JAK3: variants seen among roughly 807,000 people sequenced by gnomAD.
JAK3 encodes the protein tyrosine-protein kinase JAK3.
A neutral mutation model predicts 120.8 loss-of-function variants in JAK3; 88 were observed. The ratio of observed to expected loss-of-function variants is 0.73; its 90% CI spans 0.61 to 0.87. JAK3 has a LOEUF of 0.87. Among genes scored for constraint, JAK3 ranks in the 40% least tolerant of loss-of-function variants. JAK3 has a pLI of 0.00. For synonymous variants in JAK3, 592 were observed against 628.6 expected (o/e 0.94, Z 0.87); for missense variants, 1,254 against 1,501.4 (o/e 0.84, Z 2.72).
chr19:17,839,778 T>C, intron 9 of JAK3, 115 bp from the exon 10 acceptor site: 1 of 964,420 alleles, frequency 1.0e-6, no homozygotes, highest in East Asian at 2.6e-5. Flanking sequence ...TCTGGCTCTG[T>C]CACCCAGGCT....
Position 17,843,125 on chromosome 19 carries a change from G to A in JAK3, c.468C>T (p.Leu156=). 1 of 1,609,590 alleles carries A rather than the reference G, an allele frequency of 6.2e-7. No homozygotes were observed. Among genetic ancestry groups the A allele is most frequent in the Non-Finnish European group, 8.5e-7 (1 of 1,179,890 alleles). ...GGCTGAGACACTCACCCTGCTCCTTGAGACTGAGGCCCACGGGGAGGCGCC... is the reference window on the plus strand; with the variant it reads ...GGCTGAGACACTCACCCTGCTCCTTAAGACTGAGGCCCACGGGGAGGCGCC... ...VSGRLPVGLS[L]KEQGECLSLA... Residue 156 remains leucine (L), a synonymous_variant, in exon 5 of 24, where the codon CTC becomes CTT. Coordinates refer to ENST00000458235, the MANE Select transcript of JAK3 (RefSeq NM_000215.4). This position sits in a 1 kb window ranked among gnomAD's most constrained non-coding sequence, Gnocchi z 5.4.
chr19:17,843,604 G>C lies in JAK3; in HGVS notation c.309-113C>G, dbSNP rs3212721. 3 of 1,171,144 alleles carry C rather than the reference G, an allele frequency of 2.6e-6. No individual in the cohort carries two copies. Among genetic ancestry groups the C allele is most frequent in the African/African-American group, 3.0e-5 (2 of 66,298 alleles). 72.5% of individuals were successfully genotyped at this position (1,171,144 alleles called of 1,614,324 possible). On this transcript the variant is annotated intron_variant, in intron 3 of 23. Coordinates refer to ENST00000458235, the MANE Select transcript of JAK3 (RefSeq NM_000215.4). This position sits in a 1 kb window ranked among gnomAD's most constrained non-coding sequence, Gnocchi z 5.4. ...GCGGAGGCCTCACAGAGCCCAGCTT[G>C]TACCTTTAACTTGCTGTGTGACCTT...
chr19:17,834,470 T>C, intron 17 of JAK3, 101 bp downstream of exon 17: 2 of 1,373,708 alleles, frequency 1.5e-6, no homozygotes, highest in East Asian at 2.4e-5. Context: ...CCCTCCAACC[T>C]CACCAGACAC....
chr19:17,829,603 T>C (rs1193417539), intron 23 of JAK3, among the ~76,000 whole-genome samples: 1 of 152,060 alleles, frequency 6.6e-6, no homozygotes, highest in African/African-American at 2.4e-5. Flanking sequence ...TAAAAAATTA[T>C]TTTTAAATTA....
intron 8 of JAK3, among the ~76,000 whole-genome samples, chr19:17,840,607 C>T (rs2094235931): frequency 6.6e-6 from 1 of 151,566 alleles, no homozygotes; most frequent in East Asian, 2.0e-4. Context: ...ACTGAAAATA[C>T]AAAAAAATAG....
chr19:17,842,546 T>G lies in JAK3; in HGVS notation c.631A>C (p.Arg211=), dbSNP rs56269787. The G allele has an allele frequency of 3.7e-3, 5,929 of 1,587,866 alleles. 13 individuals carry two copies. Among genetic ancestry groups the G allele is most frequent in the Non-Finnish European group, 4.8e-3 (5,642 of 1,167,810 alleles). Reference sequence around the variant, plus strand: ...CTGCGCACCGTCCTCCGAATACGCCTCCGCGTCACGAAGCTCAGGCCCTGG... The same window carrying G: ...CTGCGCACCGTCCTCCGAATACGCCGCCGCGTCACGAAGCTCAGGCCCTGG... The part of the protein sequence containing the change: ...LIQGLSFVTR[R]RIRRTVRRAL... The change falls in exon 6 of 24, where the codon AGG becomes CGG. Residue 211 remains arginine, a synonymous_variant. Transcript: ENST00000458235. The surrounding 1 kb of genome is among the most constrained non-coding windows in gnomAD (Gnocchi z 6.4).
rs1357013554 is a variant in JAK3, at chr19:17,832,730, G to A, written c.2491-22C>T. On this transcript the variant is annotated intron_variant, in intron 18 of 23. Coordinates refer to ENST00000458235, the MANE Select transcript of JAK3 (RefSeq NM_000215.4). The surrounding 1 kb of genome is among the most constrained non-coding windows in gnomAD (Gnocchi z 4.7). ...TGCCCTGGGGGATAGCGGGACTGAT[G>A]TCCAGGCACCTGGATGCTGCCCTGC... is the stretch of plus-strand genomic sequence containing the variant. The A allele has an allele frequency of 3.7e-6, 6 of 1,614,228 alleles. No homozygotes were observed. The South Asian group carries it at 4.4e-5, about 12-fold the overall frequency.
intron 13 of JAK3, 92 bp from the exon 14 acceptor site, chr19:17,836,143 A>C (rs2094223847): frequency 6.8e-7 from 1 of 1,461,294 alleles, no homozygotes; most frequent in Non-Finnish European, 9.5e-7. Flanking sequence ...AGGGTCTCTC[A>C]AACTCTCATC....
intron 23 of JAK3, 147 bp from the exon 24 acceptor site, chr19:17,827,057 G>GACTGAGCCGAGAT: frequency 1.2e-6 from 1 of 844,814 alleles, no homozygotes. Flanking sequence ...TCGGCTCACT[G>GACTGAGCCGAGAT]CAACCTCCGC....
In JAK3 at chr19:17,838,046, A is replaced by G. The variant is rs2094228617; in HGVS notation, c.1587T>C (p.His529=). 6.2e-7 allele frequency: 1 copy of G among 1,614,140 alleles called. No homozygotes were observed. The highest frequency in any genetic ancestry group is 1.3e-5 in the African/African-American group (1 of 75,032). The change falls in exon 12 of 24, where the codon CAT becomes CAC. Residue 529 remains histidine, a synonymous_variant. Coordinates refer to ENST00000458235, the MANE Select transcript of JAK3 (RefSeq NM_000215.4). Reference sequence around the variant, plus strand: ...CCCGGTAAATCTTGGTGAAGGACCCATGGCCCAGGTTCTCATGCTGAATGG... The same window carrying G: ...CCCGGTAAATCTTGGTGAAGGACCCGTGGCCCAGGTTCTCATGCTGAATGG... ...DSLEWHENLG[H]GSFTKIYRGC... is the part of the protein sequence containing the mutation.
rs2147678675 is a variant in JAK3, at chr19:17,832,744, A to C, written c.2491-36T>G. ...GCGGGACTGATGTCCAGGCACCTGGATGCTGCCCTGCCCTCTCCAACCCAC... is the reference window on the plus strand; with the variant it reads ...GCGGGACTGATGTCCAGGCACCTGGCTGCTGCCCTGCCCTCTCCAACCCAC... On this transcript the variant is annotated intron_variant, in intron 18 of 23. Transcript: ENST00000458235. The surrounding 1 kb of genome is among the most constrained non-coding windows in gnomAD (Gnocchi z 4.7). The C allele has an allele frequency of 6.2e-7, 1 of 1,614,200 alleles. No individual in the cohort carries two copies. Among genetic ancestry groups the C allele is most frequent in the Admixed American group, 1.7e-5 (1 of 60,024 alleles).
At position 17,842,847 on chromosome 19, in the gene JAK3, G is replaced by C; in HGVS notation, c.566+180C>G. On this transcript the variant is annotated intron_variant, in intron 5 of 23. Coordinates refer to ENST00000458235, the MANE Select transcript of JAK3 (RefSeq NM_000215.4). The surrounding 1 kb of genome is among the most constrained non-coding windows in gnomAD (Gnocchi z 6.4). ...CAGGCCTTTTAGCTGGGGGAGGTCA[G>C]GTGTCTGTCCAGCTGGAGCCTGGGG... is the stretch of plus-strand genomic sequence containing the variant. 4 of 933,968 alleles carry C rather than the reference G, an allele frequency of 4.3e-6. No homozygotes were observed. Among genetic ancestry groups the C allele is most frequent in the Non-Finnish European group, 6.5e-6 (4 of 612,162 alleles). The allele number at this position is 933,968 out of a possible 1,614,324, so 57.9% of individuals were successfully genotyped here.
At chr19:17,844,195 A>G (rs773099951) in intron 2 of JAK3, 39 bp downstream of exon 2, 4 of 1,544,628 alleles carry the variant, frequency 2.6e-6, no homozygotes, top group Non-Finnish European at 8.8e-7. Flanking sequence ...ACACAGCCCC[A>G]TCCTTCCCTC....
intron 1 of JAK3, among the ~76,000 whole-genome samples, chr19:17,846,688 G>A (rs1371182486): frequency 6.6e-6 from 1 of 152,140 alleles, no homozygotes. Context: ...GGGTTCAAGC[G>A]ATTCTCATGC....
intron 23 of JAK3, among the ~76,000 whole-genome samples, chr19:17,827,863 T>C (rs1047014334): frequency 4.0e-5 from 6 of 149,288 alleles, no homozygotes; most frequent in African/African-American, 1.5e-4. Flanking sequence ...GATTGCGCCA[T>C]TGCACTCCAG....
In JAK3 at chr19:17,830,482, G is replaced by T. The variant is rs759806249; in HGVS notation, c.3096+21C>A. The T allele has an allele frequency of 5.7e-6, 9 of 1,587,982 alleles. No individual in the cohort carries two copies. In the South Asian group the frequency reaches 8.9e-5, roughly 16 times the overall value. On this transcript the variant is annotated intron_variant, in intron 22 of 23. Transcript: ENST00000458235. ...GGCGTGGAGGGAGAAGAAGGCTGGG[G>T]GCTCTGGGAAGCCGACTCACGGCCG... is the stretch of plus-strand genomic sequence containing the variant.
At chr19:17,834,022 G>A (rs2094219228) in intron 17 of JAK3, among the ~76,000 whole-genome samples, 1 of 152,058 alleles carries the variant, frequency 6.6e-6, no homozygotes, top group Non-Finnish European at 1.5e-5. Flanking sequence ...CTATAGGCAT[G>A]AGCCACTGCG....
At chr19:17,839,118 G>C in intron 10 of JAK3, 1 of 400,010 alleles carries the variant, frequency 2.5e-6, no homozygotes. Flanking sequence ...ATGAGCAAGT[G>C]GCACTGTGGA....
At position 17,824,786 on chromosome 19, in the gene JAK3, C is replaced by T. The variant is rs994041241; in HGVS notation, c.*1957G>A. 3.2e-5 allele frequency: 6 copies of T among 186,240 alleles called. No individual in the cohort carries two copies. The highest frequency in any genetic ancestry group is 4.7e-5 in the African/African-American group (2 of 42,564). The allele number at this position is 186,240 out of a possible 1,614,324, so 11.5% of individuals were successfully genotyped here. A position where few individuals can be genotyped will look rare whatever the true frequency, so the allele number is the denominator to read the frequency against. Reference sequence around the variant, plus strand: ...CCCCAAGTCCAGCACAAAATCTTTTCCACTGAATTCCTTTATTCAGTCAAC... The same window carrying T: ...CCCCAAGTCCAGCACAAAATCTTTTTCACTGAATTCCTTTATTCAGTCAAC... On this transcript the variant is annotated 3_prime_UTR_variant, in exon 24 of 24. Transcript: ENST00000458235.
Sources: allele counts gnomAD v4.1 joint callset (sites outside exome capture counted in the v4.1 genomes callset), GRCh38; gene constraint gnomAD v4.1.1; non-coding constraint Gnocchi (gnomAD v3.1); transcripts MANE v1.5; gene names NCBI Gene and HGNC (gene_info 2026-07-23, HGNC 2026-07-21).